SLC2A9: variants seen among roughly 807,000 people sequenced by gnomAD.
The protein encoded by SLC2A9 is solute carrier family 2 member 9, also known as solute carrier family 2, facilitated glucose transporter member 9.
Under a neutral mutation model 50.6 loss-of-function variants are expected in SLC2A9, and 39 were observed. That is an observed-to-expected ratio of 0.77 (90% CI 0.60 to 1.01). The LOEUF is 1.01. Ranked by LOEUF, SLC2A9 falls within the 50% of genes least tolerant of loss-of-function variation. The pLI is 0.00. For synonymous variants in SLC2A9, 324 were observed against 276.9 expected, an observed-to-expected ratio of 1.17 and a Z score of -1.69; for missense variants, 686 against 677.6, an observed-to-expected ratio of 1.01 and a Z score of -0.14.
chr4:9,810,289 CTT>C (rs2108987152), intron 3 of SLC2A9, among the ~76,000 whole-genome samples: 1 of 152,072 alleles, frequency 6.6e-6, no homozygotes, highest in South Asian at 2.1e-4. Context: ...TGAAGAGCCT[CTT>C]TCTGCTTTAT....
intron 3 of SLC2A9, among the ~76,000 whole-genome samples, chr4:9,790,949 T>C (rs1256510688): frequency 6.6e-6 from 1 of 152,242 alleles, no homozygotes; most frequent in African/African-American, 2.4e-5. Context: ...CTCTAGATCT[T>C]TTATTAGCTT....
chr4:9,795,112 A>G (rs1577304529), downstream of SLC2A9, among the ~76,000 whole-genome samples: 2 of 148,620 alleles, frequency 1.3e-5, no homozygotes, highest in Non-Finnish European at 3.0e-5. Flanking sequence ...CCCGGGTTCA[A>G]GCAATTCTCC....
chr4:9,855,155 A>AG (rs1359594739), intron 10 of SLC2A9, among the ~76,000 whole-genome samples: 6 of 152,364 alleles, frequency 3.9e-5, no homozygotes, highest in African/African-American at 1.4e-4. Flanking sequence ...AAATAGGAAG[A>AG]GAAAAAGTCA....
intron 11 of SLC2A9, 110 bp from the exon 12 acceptor site, chr4:9,826,710 C>T: frequency 1.0e-6 from 1 of 957,436 alleles, no homozygotes; most frequent in Middle Eastern, 3.1e-4. Flanking sequence ...ACCAATACTC[C>T]TAGACAAAAC....
At chr4:9,937,563 A>G (rs1333070723) in intron 6 of SLC2A9, among the ~76,000 whole-genome samples, 1 of 152,174 alleles carries the variant, frequency 6.6e-6, no homozygotes, top group Non-Finnish European at 1.5e-5. Flanking sequence ...GACCGAGAGA[A>G]GACCTCTGAG....
intron 10 of SLC2A9, chr4:9,880,304 G>A: frequency 1.0e-6 from 1 of 985,546 alleles, no homozygotes; most frequent in Non-Finnish European, 1.2e-6. Flanking sequence ...GCGAGGCCCA[G>A]GTGCTGGGTC....
rs969320485 is a variant in SLC2A9 at position 10,009,840 on chromosome 4, T to G, written c.249+9135A>C. 2.6e-5 allele frequency: 4 copies of G among 152,216 alleles called. No individual in the cohort carries two copies. The South Asian group carries it at 8.3e-4, about 32-fold the overall frequency. The allele number at this position is 152,216 out of a possible 1,614,324, so 9.4% of individuals were successfully genotyped here. A position where few individuals can be genotyped will look rare whatever the true frequency, so the allele number is the denominator to read the frequency against. ...ACTCACTAATTCATTTTACAAACAT[T>G]TTTTGAGTATTTTCTGTTTATAATA... On this transcript the variant is annotated intron_variant, in intron 2 of 11. Transcript: ENST00000264784.
chr4:10,027,748 C>T (rs1228450751), intron 1 of SLC2A9, among the ~76,000 whole-genome samples: 1 of 151,944 alleles, frequency 6.6e-6, no homozygotes, highest in East Asian at 1.9e-4. Context: ...ATTAGATGTA[C>T]ACATTTGGGA....
intron 2 of SLC2A9, among the ~76,000 whole-genome samples, chr4:10,016,226 A>C (rs1460443790): frequency 6.6e-6 from 1 of 152,216 alleles, no homozygotes; most frequent in Non-Finnish European, 1.5e-5. Flanking sequence ...CTGGCACAGA[A>C]AGGATCTGTT....
intron 3 of SLC2A9, among the ~76,000 whole-genome samples, chr4:9,815,702 G>C (rs912766974): frequency 1.3e-5 from 2 of 152,182 alleles, no homozygotes; most frequent in African/African-American, 4.8e-5. Context: ...ACATGTGTGG[G>C]ATTAAAAGTC....
chr4:9,838,658 T>C (rs6449043), intron 10 of SLC2A9, among the ~76,000 whole-genome samples: 24,480 of 152,038 alleles, frequency 0.16, 2,714 homozygotes, highest in African/African-American at 0.31. Context: ...AGAACACATA[T>C]ATAGACCAAT....
intron 10 of SLC2A9, among the ~76,000 whole-genome samples, chr4:9,844,148 G>GA (rs1728533076): frequency 3.7e-5 from 1 of 26,930 alleles, no homozygotes; most frequent in Non-Finnish European, 7.6e-5. Context: ...GCCAGATTTA[G>GA]TAAAAAAAAA....
At chr4:9,842,444 C>A (rs1324218433) in intron 10 of SLC2A9, among the ~76,000 whole-genome samples, 1 of 152,150 alleles carries the variant, frequency 6.6e-6, no homozygotes, top group Non-Finnish European at 1.5e-5. Flanking sequence ...ACTTGGCACA[C>A]CTTATCTCAT....
At chr4:9,857,218 T>C (rs188615982) in intron 10 of SLC2A9, among the ~76,000 whole-genome samples, 1 of 152,302 alleles carries the variant, frequency 6.6e-6, no homozygotes, top group African/African-American at 2.4e-5. Flanking sequence ...TTCCCACTCA[T>C]TCCTGTGATT....
At chr4:9,958,687 TCCAGGAACCAGTGGTTTCTAC>T (rs1447999192) in intron 5 of SLC2A9, among the ~76,000 whole-genome samples, 1 of 152,086 alleles carries the variant, frequency 6.6e-6, no homozygotes, top group Non-Finnish European at 1.5e-5. Context: ...GGACATAGGA[TCCAGGAACCAGTGGTTTCTAC>T]CCAGGAGAGA....
At chr4:9,956,166 AC>A (rs200927531) in intron 5 of SLC2A9, among the ~76,000 whole-genome samples, 4,995 of 151,380 alleles carry the variant, frequency 0.033, 274 homozygotes, top group African/African-American at 0.11. Flanking sequence ...GGCGTGATCC[AC>A]CCAGTGAGCA....
At chr4:9,827,505 A>T (rs1057509307) in intron 11 of SLC2A9, among the ~76,000 whole-genome samples, 10 of 152,242 alleles carry the variant, frequency 6.6e-5, no homozygotes, top group Non-Finnish European at 1.2e-4. Flanking sequence ...TCCAGATTTT[A>T]GTCAATTCCA....
At chr4:9,965,240 A>T (rs1260256699) in intron 5 of SLC2A9, among the ~76,000 whole-genome samples, 1 of 152,198 alleles carries the variant, frequency 6.6e-6, no homozygotes, top group Non-Finnish European at 1.5e-5. Flanking sequence ...TGTGATGCAG[A>T]TCCAGGCAGT....
At chr4:9,848,233 C>T (rs1729283726) in intron 10 of SLC2A9, among the ~76,000 whole-genome samples, 1 of 152,192 alleles carries the variant, frequency 6.6e-6, no homozygotes, top group South Asian at 2.1e-4. Context: ...TTCACATGAG[C>T]TTGGCTCCCA....
Sources: allele counts gnomAD v4.1 joint callset (sites outside exome capture counted in the v4.1 genomes callset), GRCh38; gene constraint gnomAD v4.1.1; transcripts MANE v1.5; gene names NCBI Gene and HGNC (gene_info 2026-07-23, HGNC 2026-07-21).